MEIS2: variants seen among roughly 807,000 people sequenced by gnomAD.
MEIS2 encodes homeobox protein Meis2.
Under a neutral mutation model 58.6 loss-of-function variants are expected in MEIS2, and 9 were observed. The ratio of observed to expected loss-of-function variants is 0.15; its 90% CI spans 0.09 to 0.27. The LOEUF (loss-of-function observed/expected upper bound fraction) is 0.27. Among genes scored for constraint, MEIS2 ranks in the 10% least tolerant of loss-of-function variants. The pLI, the probability that MEIS2 is intolerant of heterozygous loss-of-function variation, is 1.00. For synonymous variants in MEIS2, 221 were observed against 228.4 expected, an observed-to-expected ratio of 0.97 and a Z score of 0.29; for missense variants, 427 against 635.0, an observed-to-expected ratio of 0.67 and a Z score of 3.52.
chr15:37,027,891 C>T (rs1240592562), intron 8 of MEIS2, among the ~76,000 whole-genome samples: 2 of 152,112 alleles, frequency 1.3e-5, no homozygotes, highest in East Asian at 3.9e-4. Context: ...ATCAACACCC[C>T]CTACCGGAGT....
At chr15:37,042,277 A>G (rs1457995479) in intron 7 of MEIS2, among the ~76,000 whole-genome samples, 2 of 152,226 alleles carry the variant, frequency 1.3e-5, no homozygotes, top group African/African-American at 4.8e-5. Context: ...AAAAATGATA[A>G]AAGCAGTGAT....
intron 8 of MEIS2, among the ~76,000 whole-genome samples, chr15:37,015,075 A>C (rs1448518282): frequency 6.6e-6 from 1 of 152,254 alleles, no homozygotes. Flanking sequence ...CACTAAAGTG[A>C]AAAGCTATTG....
chr15:36,912,831 GAAAAAA>G (rs76421752), intron 9 of MEIS2, among the ~76,000 whole-genome samples: 1 of 100,956 alleles, frequency 9.9e-6, no homozygotes, highest in East Asian at 2.5e-4. Context: ...CCCCACTCCT[GAAAAAA>G]AAAAAAAAAA....
At chr15:36,936,909 AG>A (rs1040376697) in intron 9 of MEIS2, among the ~76,000 whole-genome samples, 3 of 152,246 alleles carry the variant, frequency 2.0e-5, no homozygotes, top group Non-Finnish European at 4.4e-5. Flanking sequence ...TTGAGATCCA[AG>A]GGTTCCTCTG....
intron 8 of MEIS2, among the ~76,000 whole-genome samples, chr15:36,982,765 C>A (rs755621938): frequency 2.8e-4 from 42 of 152,172 alleles, no homozygotes; most frequent in Non-Finnish European, 5.7e-4. Context: ...TTTACATTCC[C>A]ACCAACATTG....
At chr15:36,963,497 T>A (rs1376395442) in intron 8 of MEIS2, among the ~76,000 whole-genome samples, 1 of 152,164 alleles carries the variant, frequency 6.6e-6, no homozygotes, top group Non-Finnish European at 1.5e-5. Flanking sequence ...AGGAAAGACT[T>A]TGTCAGTTCA....
At chr15:36,910,386 T>C (rs1488198991) in intron 9 of MEIS2, among the ~76,000 whole-genome samples, 1 of 152,180 alleles carries the variant, frequency 6.6e-6, no homozygotes, top group Non-Finnish European at 1.5e-5. Context: ...TCACTTTCTC[T>C]GCTGCAGATT....
chr15:36,939,614 GC>G (rs1385811954), intron 9 of MEIS2, among the ~76,000 whole-genome samples: 1 of 151,840 alleles, frequency 6.6e-6, no homozygotes, highest in Non-Finnish European at 1.5e-5. Context: ...TCCATGATGT[GC>G]CAATTTTCTC....
At chr15:37,004,899 C>A (rs1645422763) in intron 8 of MEIS2, among the ~76,000 whole-genome samples, 1 of 152,198 alleles carries the variant, frequency 6.6e-6, no homozygotes, top group South Asian at 2.1e-4. Flanking sequence ...TCCCAATTAT[C>A]CTGATTTGAT....
chr15:37,006,028 T>A (rs1216620760), intron 8 of MEIS2, among the ~76,000 whole-genome samples: 1 of 152,266 alleles, frequency 6.6e-6, no homozygotes, highest in Non-Finnish European at 1.5e-5. Flanking sequence ...GGTGGAGTAC[T>A]GAATCATTTT....
At chr15:37,022,187 T>C (rs933629245) in intron 8 of MEIS2, among the ~76,000 whole-genome samples, 4 of 152,190 alleles carry the variant, frequency 2.6e-5, no homozygotes, top group Non-Finnish European at 1.5e-5. Context: ...TTAACACATA[T>C]TACTAGTTTA....
chr15:37,018,780 A>T (rs12324204), intron 8 of MEIS2, among the ~76,000 whole-genome samples: 145,450 of 152,272 alleles, frequency 0.96, 69,863 homozygotes, highest in Middle Eastern at 1. Flanking sequence ...TAATTTGATA[A>T]CTCCACTAAT....
At position 36,994,726 on chromosome 15, in the gene MEIS2, G is replaced by A. The variant is rs186765688; in HGVS notation, c.900+42088C>T. 2.6e-3 allele frequency among the ~76,000 whole-genome samples: 392 copies of A among 152,250 alleles called. 4 individuals carry two copies. Among genetic ancestry groups the A allele is most frequent in the African/African-American group, 9.2e-3 (381 of 41,546 alleles). On this transcript the variant is annotated intron_variant, in intron 8 of 11. Transcript: ENST00000561208. The stretch of plus-strand genomic sequence containing the variant: ...TTAAATGGCTTATACTGTGCATGTA[G>A]GTGTGCATTTATTTTCAAGCACAAA...
rs563068600 is a variant in MEIS2 at position 37,089,560 on chromosome 15, TAA to T, written c.639+4019_639+4020del. Among the ~76,000 whole-genome samples, 714 of 152,318 alleles carry T rather than the reference TAA, an allele frequency of 4.7e-3. 2 individuals are homozygous for T. Among genetic ancestry groups the T allele is most frequent in the Non-Finnish European group, 7.6e-3 (515 of 68,004 alleles). ...CAGCTTTCAACATATAAATATACAATAAGTTTTCTTTTCTTAGTGGTGTTAGT... is the reference window on the plus strand; with the variant it reads ...CAGCTTTCAACATATAAATATACAATGTTTTCTTTTCTTAGTGGTGTTAGT... On this transcript the variant is annotated intron_variant, in intron 6 of 11. Coordinates refer to ENST00000561208, the MANE Select transcript of MEIS2 (RefSeq NM_170675.5).
intron 8 of MEIS2, among the ~76,000 whole-genome samples, chr15:36,953,125 T>A (rs1034708891): frequency 2.0e-5 from 3 of 152,126 alleles, no homozygotes; most frequent in African/African-American, 7.2e-5. Context: ...ATTTCTAAAA[T>A]TAAAAAGGGG....
intron 8 of MEIS2, among the ~76,000 whole-genome samples, chr15:36,962,894 T>C (rs2059234006): frequency 6.6e-6 from 1 of 152,250 alleles, no homozygotes; most frequent in African/African-American, 2.4e-5. Flanking sequence ...AAATCTAAGA[T>C]ACTATTTGTA....
chr15:37,055,352 C>T (rs935847171), intron 7 of MEIS2, among the ~76,000 whole-genome samples: 1 of 152,070 alleles, frequency 6.6e-6, no homozygotes, highest in African/African-American at 2.4e-5. Flanking sequence ...GTGCCTGGCA[C>T]ATCATAGGCA....
At chr15:37,046,837 AT>A (rs1392317340) in intron 7 of MEIS2, among the ~76,000 whole-genome samples, 82 of 966 alleles carry the variant, frequency 0.085, no homozygotes, top group Middle Eastern at 0.5. Context: ...CGTTTAAAAA[AT>A]ATATATATAT....
intron 9 of MEIS2, among the ~76,000 whole-genome samples, chr15:36,923,529 A>G (rs903409574): frequency 8.5e-5 from 13 of 152,052 alleles, no homozygotes; most frequent in African/African-American, 2.2e-4. Flanking sequence ...CAAAGCATTC[A>G]CTCTGAACTG....
Sources: gnomAD v4.1 joint callset for allele counts (sites outside exome capture counted in the v4.1 genomes callset) on GRCh38, gnomAD v4.1.1 for gene constraint, MANE v1.5 for transcripts, NCBI Gene and HGNC (gene_info 2026-07-23, HGNC 2026-07-21) for gene names.